TRPM3: variants seen among roughly 807,000 people sequenced by gnomAD.
The protein encoded by TRPM3 is long transient receptor potential channel 3.
Under a neutral mutation model 181.2 loss-of-function variants are expected in TRPM3, and 77 were observed. The observed-to-expected ratio is 0.42, with a 90% CI of 0.35 to 0.51. TRPM3 has a LOEUF of 0.51. TRPM3 is among the 20% of genes least tolerant of loss of function. TRPM3 has a pLI of 0.01. For missense variants in TRPM3, 1,759 were observed against 2,196.7 expected (o/e 0.80, Z 3.98); for synonymous variants, 745 against 796.4 (o/e 0.94, Z 1.09).
chr9:70,887,812 G>T (rs781164808), intron 1 of TRPM3, among the ~76,000 whole-genome samples: 1 of 152,050 alleles, frequency 6.6e-6, no homozygotes, highest in South Asian at 2.1e-4. Flanking sequence ...ACTCTCATAA[G>T]CACAAAGACT....
intron 4 of TRPM3, among the ~76,000 whole-genome samples, chr9:70,844,667 C>G (rs1338027688): frequency 6.6e-6 from 1 of 152,224 alleles, no homozygotes; most frequent in Non-Finnish European, 1.5e-5. Flanking sequence ...AAGAACCTCA[C>G]TTTGGGTATT....
At chr9:70,629,324 T>C (rs1373120697) in intron 12 of TRPM3, among the ~76,000 whole-genome samples, 1 of 148,316 alleles carries the variant, frequency 6.7e-6, no homozygotes, top group Non-Finnish European at 1.5e-5. Flanking sequence ...GCCTCTTCCG[T>C]TTTTTGTTTT....
At chr9:70,604,050 T>G (rs1443199359) in intron 19 of TRPM3, among the ~76,000 whole-genome samples, 1 of 152,200 alleles carries the variant, frequency 6.6e-6, no homozygotes, top group Non-Finnish European at 1.5e-5. Flanking sequence ...CAAGTTAAGA[T>G]AAGATATTCC....
At chr9:70,622,216 C>T (rs903758933) in intron 14 of TRPM3, among the ~76,000 whole-genome samples, 8 of 152,068 alleles carry the variant, frequency 5.3e-5, no homozygotes, top group African/African-American at 9.7e-5. Flanking sequence ...TAAATCTGCT[C>T]GTCCCTAGAT....
chr9:70,600,536 C>A, intron 20 of TRPM3, among the ~76,000 whole-genome samples: 1 of 151,910 alleles, frequency 6.6e-6, no homozygotes, highest in African/African-American at 2.4e-5. Flanking sequence ...AACTTCAGTG[C>A]ACATCAGAAT....
intron 1 of TRPM3, among the ~76,000 whole-genome samples, chr9:71,004,965 CT>C (rs1362119116): frequency 6.6e-6 from 1 of 152,084 alleles, no homozygotes; most frequent in Admixed American, 6.5e-5. Context: ...GTAAAGAAGG[CT>C]TATGACAATT....
At chr9:70,875,329 TG>T (rs944302620) in intron 1 of TRPM3, among the ~76,000 whole-genome samples, 1 of 151,970 alleles carries the variant, frequency 6.6e-6, no homozygotes, top group African/African-American at 2.4e-5. Flanking sequence ...GGGCCTTTTT[TG>T]AAAATAAGAG....
chr9:71,345,212 C>T (rs1440041194), intron 1 of TRPM3, among the ~76,000 whole-genome samples: 8 of 152,154 alleles, frequency 5.3e-5, no homozygotes, highest in African/African-American at 1.7e-4. Context: ...ATCAGAAATA[C>T]CATTTGACCC....
intron 1 of TRPM3, among the ~76,000 whole-genome samples, chr9:71,445,812 T>C (rs1332426304): frequency 6.6e-6 from 1 of 152,164 alleles, no homozygotes; most frequent in Non-Finnish European, 1.5e-5. Context: ...CACAGGCTGG[T>C]ATTCTTAATG....
intron 1 of TRPM3, among the ~76,000 whole-genome samples, chr9:71,257,983 T>C (rs1205118789): frequency 2.0e-5 from 3 of 152,222 alleles, no homozygotes; most frequent in African/African-American, 7.2e-5. Flanking sequence ...GATTTTCTTG[T>C]ACTCATTCAG....
At chr9:70,681,348 T>C (rs1204518372) in intron 9 of TRPM3, among the ~76,000 whole-genome samples, 158 bp downstream of exon 9, 1 of 152,214 alleles carries the variant, frequency 6.6e-6, no homozygotes, top group Non-Finnish European at 1.5e-5. Flanking sequence ...TAGGAGAATT[T>C]AATAGCAGTA....
intron 1 of TRPM3, among the ~76,000 whole-genome samples, chr9:71,045,369 A>G (rs567962737): frequency 6.6e-6 from 1 of 152,056 alleles, no homozygotes; most frequent in Non-Finnish European, 1.5e-5. Context: ...TATTTTTCTT[A>G]TGGCAGGCAA....
At chr9:71,119,478 G>A (rs970825142) in intron 1 of TRPM3, among the ~76,000 whole-genome samples, 1 of 151,986 alleles carries the variant, frequency 6.6e-6, no homozygotes, top group Admixed American at 6.6e-5. Context: ...TCTAAAAGAA[G>A]TACCTCAGGT....
chr9:71,210,999 T>G (rs958210177), intron 1 of TRPM3, among the ~76,000 whole-genome samples: 1 of 152,190 alleles, frequency 6.6e-6, no homozygotes, highest in African/African-American at 2.4e-5. Flanking sequence ...CTTTTAACTT[T>G]TATCACCTCT....
rs71505401 is a variant in TRPM3, at chr9:70,635,462, A to ATTTT, written c.1582-205_1582-202dup. Among the ~76,000 whole-genome samples, 57 of 113,104 alleles carry ATTTT rather than the reference A, an allele frequency of 5.0e-4. 2 individuals are homozygous for ATTTT. The highest frequency in any genetic ancestry group is 1.1e-3 in the African/African-American group (33 of 29,552). The allele number at this position is 113,104 out of a possible 152,430, so 74.2% of individuals were successfully genotyped here. Reference sequence around the variant, plus strand: ...TTGCAGATGAAAAGCTTTGTCAGTGATTTTTTTTTTTTTTTTTTTTTGATA... The same window carrying ATTTT: ...TTGCAGATGAAAAGCTTTGTCAGTGATTTTTTTTTTTTTTTTTTTTTTTTTGATA... On this transcript the variant is annotated intron_variant, in intron 11 of 25. Coordinates refer to ENST00000677713, the MANE Select transcript of TRPM3 (RefSeq NM_001366145.2).
rs1475793466 is a variant in TRPM3, at chr9:70,803,059, AC to A, written c.974-18781del. On this transcript the variant is annotated intron_variant, in intron 6 of 25. Transcript: ENST00000677713. ...AAAAAAAAAAAAAAAAAAAAAAAAA[AC>A]AAAGGCCCAACTCCACCAATTTTCT... 1.7e-3 allele frequency among the ~76,000 whole-genome samples: 173 copies of A among 103,848 alleles called. 18 individuals carry two copies. The highest frequency in any genetic ancestry group is 5.9e-3 in the East Asian group (29 of 4,950). 68.1% of individuals were successfully genotyped at this position (103,848 alleles called of 152,430 possible). A position where few individuals can be genotyped will look rare whatever the true frequency, so the allele number is the denominator to read the frequency against.
rs775958415 is a variant in TRPM3 at position 71,151,949 on chromosome 9, G to T, written c.184-287438C>A. Among the ~76,000 whole-genome samples, 4 of 152,212 alleles carry T rather than the reference G, an allele frequency of 2.6e-5. No individual in the cohort carries two copies. In the South Asian group the frequency reaches 8.3e-4, roughly 32 times the overall value. On this transcript the variant is annotated intron_variant, in intron 1 of 24. Coordinates refer to the TRPM3 transcript ENST00000357533. ...TATCTGCCATCAACAAATGAAAAAT[G>T]TATGTTATAAAAACCAGGGAAAGAT...
chr9:70,630,012 C>A (rs2065508710), intron 12 of TRPM3, among the ~76,000 whole-genome samples: 1 of 152,210 alleles, frequency 6.6e-6, no homozygotes, highest in South Asian at 2.1e-4. Context: ...TGATACTAAG[C>A]TGGGCCAATG....
At chr9:70,800,982 C>A (rs2088821045) in intron 6 of TRPM3, among the ~76,000 whole-genome samples, 1 of 152,150 alleles carries the variant, frequency 6.6e-6, no homozygotes, top group African/African-American at 2.4e-5. Flanking sequence ...GGGTTTCAAG[C>A]AAAGTCCTGT....
Sources: allele counts gnomAD v4.1 joint callset (sites outside exome capture counted in the v4.1 genomes callset), GRCh38; gene constraint gnomAD v4.1.1; transcripts MANE v1.5; gene names NCBI Gene and HGNC (gene_info 2026-07-23, HGNC 2026-07-21).